The following ZNF469 variants were observed in gnomAD, a reference collection of about 807,000 sequenced individuals.
ZNF469 encodes the protein zinc finger protein 469.
Under a neutral mutation model 1.0 loss-of-function variants are expected in ZNF469, and 1 was observed. That is an observed-to-expected ratio of 1.00 (90% CI 0.35 to 4.73). The LOEUF (loss-of-function observed/expected upper bound fraction) is 4.73, where lower values mean the gene tolerates loss of function less well. Ranked by LOEUF, ZNF469 falls within the 30% of genes most tolerant of loss-of-function variation. ZNF469 has a pLI of 0.16. For missense variants in ZNF469, 6,100 were observed against 5,356.3 expected (o/e 1.14, Z -4.33); for synonymous variants, 2,703 against 2,363.4 (o/e 1.14, Z -4.17).
At chr16:88,118,539 C>T in the ZNF469 span, among the ~76,000 whole-genome samples, 11 of 152,170 alleles carry the variant, frequency 7.2e-5, 1 homozygote, top group Admixed American at 5.9e-4. Flanking sequence ...CTGTCACCTC[C>T]GCCTCTGCAG....
At chr16:88,303,857 TGCAAA>T in the ZNF469 span, among the ~76,000 whole-genome samples, 1 of 152,204 alleles carries the variant, frequency 6.6e-6, no homozygotes, top group Non-Finnish European at 1.5e-5. Flanking sequence ...GGAGATATGA[TGCAAA>T]GCACCCACAC....
At chr16:88,215,347 C>G in the ZNF469 span, among the ~76,000 whole-genome samples, 2 of 130,760 alleles carry the variant, frequency 1.5e-5, no homozygotes, top group Non-Finnish European at 3.3e-5. Flanking sequence ...TTAGCCATCT[C>G]TTTTATAGCT....
chr16:88,270,402 G>A, the ZNF469 span, among the ~76,000 whole-genome samples: 1 of 152,220 alleles, frequency 6.6e-6, no homozygotes, highest in African/African-American at 2.4e-5. Context: ...CAGCTCACCA[G>A]GGTCCTGGAT....
the ZNF469 span, among the ~76,000 whole-genome samples, chr16:88,146,942 G>A: frequency 6.6e-6 from 1 of 152,144 alleles, no homozygotes; most frequent in African/African-American, 2.4e-5. Context: ...CCTCCTGGGG[G>A]TGTCTCAAGC....
chr16:88,223,952 C>T, the ZNF469 span, among the ~76,000 whole-genome samples: 2 of 152,216 alleles, frequency 1.3e-5, no homozygotes, highest in African/African-American at 2.4e-5. Flanking sequence ...AATGAACGAG[C>T]GGAGGAATGG....
the ZNF469 span, among the ~76,000 whole-genome samples, chr16:88,296,351 C>G: frequency 6.6e-6 from 1 of 152,184 alleles, no homozygotes; most frequent in African/African-American, 2.4e-5. Context: ...GACACACACA[C>G]TCACACACAC....
chr16:88,151,421 A>T, the ZNF469 span, among the ~76,000 whole-genome samples: 1 of 152,206 alleles, frequency 6.6e-6, no homozygotes, highest in African/African-American at 2.4e-5. This position sits in a 1 kb window ranked among gnomAD's most constrained non-coding sequence, Gnocchi z 5.4. Context: ...TTCCCGATGG[A>T]ACGGCGGGAC....
Position 88,433,970 on chromosome 16 carries a change from C to G in ZNF469, c.6500C>G (p.Ala2167Gly). 1 of 1,550,252 alleles carries G rather than the reference C, an allele frequency of 6.5e-7. No individual in the cohort carries two copies. Among genetic ancestry groups the G allele is most frequent in the Non-Finnish European group, 8.7e-7 (1 of 1,146,916 alleles). Residue 2167 changes from alanine to glycine, a missense_variant, in exon 3 of 3, where the codon GCC becomes GGC. Transcript: ENST00000565624. Reference protein sequence around the residue: ...RDPPGPQQLLACSPAWAPLEE... With the variant: ...RDPPGPQQLLGCSPAWAPLEE... ...CCTCCCGGCCCCCAGCAGCTGCTGG[C>G]CTGTTCTCCTGCCTGGGCACCTCTG...
chr16:88,311,863 C>T, the ZNF469 span, among the ~76,000 whole-genome samples: 1 of 152,208 alleles, frequency 6.6e-6, no homozygotes, highest in Non-Finnish European at 1.5e-5. Context: ...TGCGTGCTTT[C>T]AAATGATTGA....
intron 1 of ZNF469, among the ~76,000 whole-genome samples, chr16:88,411,592 C>T (rs1029471755): frequency 2.0e-5 from 3 of 151,152 alleles, no homozygotes; most frequent in African/African-American, 7.3e-5. Context: ...TGGAAGGACC[C>T]CTTGGCCTGC....
the ZNF469 span, among the ~76,000 whole-genome samples, chr16:88,291,807 C>T: frequency 2.0e-5 from 3 of 152,148 alleles, no homozygotes; most frequent in African/African-American, 7.2e-5. Context: ...TTTAAGTCCT[C>T]CTGGGCCTCA....
the ZNF469 span, among the ~76,000 whole-genome samples, chr16:88,327,306 G>C: frequency 1.3e-5 from 2 of 152,130 alleles, no homozygotes; most frequent in African/African-American, 4.8e-5. Context: ...GCCAGCCCCC[G>C]CCTCGCCACG....
chr16:88,396,051 G>T (rs1270512393), intron 1 of ZNF469, among the ~76,000 whole-genome samples: 1 of 152,242 alleles, frequency 6.6e-6, no homozygotes, highest in African/African-American at 2.4e-5. Flanking sequence ...ACCATCTGTC[G>T]TGTATCCACT....
the ZNF469 span, among the ~76,000 whole-genome samples, chr16:88,368,584 G>C: frequency 6.6e-6 from 1 of 151,776 alleles, no homozygotes; most frequent in African/African-American, 2.4e-5. Flanking sequence ...GGGAGAGTTT[G>C]TGGTCTGGAG....
chr16:88,412,489 T>C (rs879389556), intron 1 of ZNF469, among the ~76,000 whole-genome samples: 3 of 152,236 alleles, frequency 2.0e-5, no homozygotes, highest in Admixed American at 1.3e-4. Flanking sequence ...TGAAGGCTTT[T>C]CCTGCTCCAA....
chr16:88,431,738 G>T lies in ZNF469; in HGVS notation c.4268G>T (p.Gly1423Val). ...SCLCQDGEDA[G>V]SLEPQLPRSP... ...CTTTGCCAGGACGGCGAGGATGCCG[G>T]TTCCCTCGAGCCACAGCTGCCAAGG... Residue 1423 changes from glycine to valine, a missense_variant, in exon 3 of 3, where the codon GGT becomes GTT. Physicochemically the swap from Gly to Val is moderately radical, Grantham distance 109. Coordinates refer to ENST00000565624, the MANE Select transcript of ZNF469 (RefSeq NM_001367624.2). 1 of 1,550,036 alleles carries T rather than the reference G, an allele frequency of 6.5e-7. No homozygotes were observed. The highest frequency in any genetic ancestry group is 2.4e-5 in the East Asian group (1 of 40,912).
chr16:88,315,816 G>A, the ZNF469 span, among the ~76,000 whole-genome samples: 1 of 152,190 alleles, frequency 6.6e-6, no homozygotes, highest in Admixed American at 6.5e-5. Context: ...GAGGCCAAGG[G>A]GGTGGGAGAC....
chr16:88,106,722 C>T, the ZNF469 span, among the ~76,000 whole-genome samples: 1 of 152,254 alleles, frequency 6.6e-6, no homozygotes, highest in Non-Finnish European at 1.5e-5. Context: ...CATTCAGGTG[C>T]AGGCTGGGGT....
chr16:88,122,279 C>G, the ZNF469 span, among the ~76,000 whole-genome samples: 1 of 151,328 alleles, frequency 6.6e-6, no homozygotes, highest in Non-Finnish European at 1.5e-5. Context: ...CACCCCATCA[C>G]TTGCTACGGC....
Sources: allele counts gnomAD v4.1 joint callset (sites outside exome capture counted in the v4.1 genomes callset), GRCh38; gene constraint gnomAD v4.1.1; non-coding constraint Gnocchi (gnomAD v3.1); transcripts MANE v1.5; gene names NCBI Gene and HGNC (gene_info 2026-07-23, HGNC 2026-07-21).